The following USP9X variants were observed in gnomAD, a reference collection of about 807,000 sequenced individuals.
USP9X encodes ubiquitin specific peptidase 9 X-linked, also known as ubiquitin carboxyl-terminal hydrolase 9X.
USP9X carries 7 observed loss-of-function variants against 190.3 expected under a neutral mutation model. That is an observed-to-expected ratio of 0.04 (90% CI 0.02 to 0.07). The LOEUF (loss-of-function observed/expected upper bound fraction) is 0.07. Among genes scored for constraint, USP9X ranks in the 10% least tolerant of loss-of-function variants. The pLI is 1.00. For missense variants in USP9X, 1,010 were observed against 1,916.9 expected (o/e 0.53, Z 8.83); for synonymous variants, 645 against 659.5 (o/e 0.98, Z 0.34).
chrX:41,137,159 C>G (rs1159624778), intron 6 of USP9X, 137 bp downstream of exon 6: 1 of 577,039 alleles, frequency 1.7e-6, no homozygotes, highest in Non-Finnish European at 2.6e-6. Flanking sequence ...GAGCCTTTTT[C>G]GTAGCTTTGT....
Position 41,100,022 on chromosome X carries a change from A to G in USP9X, c.-159+13913A>G, listed in dbSNP as rs187265495. Among the ~76,000 whole-genome samples, 5 of 112,154 alleles carry G rather than the reference A, an allele frequency of 4.5e-5. No individual in the cohort carries two copies. The East Asian group carries it at 1.4e-3, about 31-fold the overall frequency. On this transcript the variant is annotated intron_variant, in intron 1 of 44. Coordinates refer to ENST00000378308, the MANE Select transcript of USP9X (RefSeq NM_001039591.3). ...CATCAATCAGCTTCAACTCATGGCT[A>G]GTCTTTTTTACCTACCCCCTTCCAT...
At chrX:41,211,573 G>T (rs1292269755) in intron 33 of USP9X, among the ~76,000 whole-genome samples, 1 of 113,464 alleles carries the variant, frequency 8.8e-6, no homozygotes, top group African/African-American at 3.2e-5. Context: ...ACCCCCGTCC[G>T]GGAGGTGAGG....
At chrX:41,134,933 CT>C (rs1445263631) in intron 5 of USP9X, 96 bp downstream of exon 5, 1 of 645,646 alleles carries the variant, frequency 1.5e-6, no homozygotes, top group Non-Finnish European at 2.3e-6. Context: ...TATATTTATT[CT>C]GTTATAATTG....
chrX:41,122,058 T>C (rs1427481671), intron 1 of USP9X, among the ~76,000 whole-genome samples: 2 of 110,806 alleles, frequency 1.8e-5, no homozygotes, highest in Non-Finnish European at 3.8e-5. Flanking sequence ...TATTATGTAG[T>C]TTGAACCCTC....
intron 1 of USP9X, among the ~76,000 whole-genome samples, chrX:41,103,230 T>G (rs911516208): frequency 6.2e-5 from 7 of 112,789 alleles, no homozygotes; most frequent in African/African-American, 1.9e-4. Context: ...ATTTAGGGAC[T>G]GGGATTTGTC....
At chrX:41,123,816 G>A in intron 2 of USP9X, 92 bp downstream of exon 2, 1 of 868,028 alleles carries the variant, frequency 1.2e-6, no homozygotes, top group Admixed American at 3.1e-5. Flanking sequence ...GTTGAGGCAG[G>A]CAGATCACTT....
intron 15 of USP9X, among the ~76,000 whole-genome samples, chrX:41,163,178 G>A (rs2062648320): frequency 9.0e-6 from 1 of 111,384 alleles, no homozygotes; most frequent in African/African-American, 3.3e-5. Flanking sequence ...ACAACCGGAA[G>A]GAGGACTATA....
intron 39 of USP9X, 47 bp from the exon 40 acceptor site, chrX:41,224,695 G>T: frequency 2.0e-6 from 2 of 1,023,477 alleles, no homozygotes; most frequent in Non-Finnish European, 2.7e-6. Context: ...TATTATTATT[G>T]TGAAGAAGCT....
intron 34 of USP9X, among the ~76,000 whole-genome samples, 171 bp downstream of exon 34, chrX:41,214,880 G>T (rs757331448): frequency 1.8e-5 from 2 of 111,580 alleles, no homozygotes; most frequent in Non-Finnish European, 3.8e-5. Flanking sequence ...TGGCAAGGAA[G>T]GAAAAAAAGT....
chrX:41,205,640 T>G (rs1330934991), intron 32 of USP9X, 147 bp downstream of exon 32: 2 of 496,690 alleles, frequency 4.0e-6, no homozygotes, highest in Admixed American at 1.1e-4. Flanking sequence ...TGGGTTTTTT[T>G]TTTTTTTTTT....
intron 33 of USP9X, among the ~76,000 whole-genome samples, chrX:41,213,825 G>A (rs1171306619): frequency 9.0e-6 from 1 of 111,482 alleles, no homozygotes; most frequent in African/African-American, 3.3e-5. Flanking sequence ...AAATGCCTTT[G>A]TGTACCTTTT....
chrX:41,208,901 A>G (rs1208928872), intron 32 of USP9X, among the ~76,000 whole-genome samples: 2 of 109,696 alleles, frequency 1.8e-5, no homozygotes, highest in Non-Finnish European at 3.8e-5. Flanking sequence ...GTAGAGACAG[A>G]GTTTCATTGT....
rs904924219 is a variant in USP9X at position 41,196,163 on chromosome X, C to G, written c.3978-88C>G. 4 of 1,050,776 alleles carry G rather than the reference C, an allele frequency of 3.8e-6. No individual in the cohort carries two copies. In the African/African-American group the frequency reaches 7.4e-5, roughly 20 times the overall value. 86.6% of individuals were successfully genotyped at this position (1,050,776 alleles called of 1,213,427 possible). A position where few individuals can be genotyped will look rare whatever the true frequency, so the allele number is the denominator to read the frequency against. ...AATTTATTTCCCTTTTATACTCCCCCCACCTCTCCTCCCCAAGAGGGAACA... is the reference window on the plus strand; with the variant it reads ...AATTTATTTCCCTTTTATACTCCCCGCACCTCTCCTCCCCAAGAGGGAACA... On this transcript the variant is annotated intron_variant, in intron 26 of 44. Transcript: ENST00000378308.
chrX:41,138,346 T>C (rs2062394269), intron 6 of USP9X, among the ~76,000 whole-genome samples: 4 of 111,946 alleles, frequency 3.6e-5, no homozygotes, highest in Non-Finnish European at 7.5e-5. Flanking sequence ...TTTTTTCTCC[T>C]GTTCTCCAAA....
rs891242696 is a variant in USP9X, at chrX:41,166,287, G to A, written c.2328+73G>A. 12 of 800,589 alleles carry A rather than the reference G, an allele frequency of 1.5e-5. No individual in the cohort carries two copies. In the African/African-American group the frequency reaches 1.9e-4, roughly 13 times the overall value. The allele number at this position is 800,589 out of a possible 1,213,427, so 66.0% of individuals were successfully genotyped here. A position where few individuals can be genotyped will look rare whatever the true frequency, so the allele number is the denominator to read the frequency against. On this transcript the variant is annotated intron_variant, in intron 16 of 44. Coordinates refer to ENST00000378308, the MANE Select transcript of USP9X (RefSeq NM_001039591.3). The stretch of plus-strand genomic sequence containing the variant: ...CATGTACGTAAGGAATTGTAATTTT[G>A]CATATAAATTGTGTATTTTACTCTG...
chrX:41,194,441 C>G (rs111351840), intron 26 of USP9X, among the ~76,000 whole-genome samples: 14,735 of 110,746 alleles, frequency 0.13, 899 homozygotes, highest in East Asian at 0.22. Context: ...ATAATCCCAA[C>G]TACTCGGGAG....
At chrX:41,224,199 C>T (rs2063291613) in intron 39 of USP9X, among the ~76,000 whole-genome samples, 1 of 108,523 alleles carries the variant, frequency 9.2e-6, no homozygotes, top group South Asian at 4.0e-4. Flanking sequence ...ACAGTGAGAC[C>T]CTGTGTCCAA....
In USP9X at chrX:41,229,704, C is replaced by T. The variant is rs764481978; in HGVS notation, c.7356C>T (p.Ser2452=). ...CCCCAGTGCAAAGCAATGAAACGTC[C>T]AATGGTTATTTCTTGGAGAGATCAC... ...WSPPVQSNET[S]NGYFLERSHS... is the part of the protein sequence containing the mutation. The change falls in exon 43 of 45, where the codon TCC becomes TCT. Residue 2452 remains serine (S), a synonymous_variant. Transcript: ENST00000378308. 1 of 1,211,572 alleles carries T rather than the reference C, an allele frequency of 8.3e-7. No individual in the cohort carries two copies. The highest frequency in any genetic ancestry group is 1.1e-6 in the Non-Finnish European group (1 of 895,546).
chrX:41,169,959 G>T, intron 18 of USP9X, 36 bp from the exon 19 acceptor site: 1 of 1,205,150 alleles, frequency 8.3e-7, no homozygotes, highest in South Asian at 1.8e-5. Flanking sequence ...AGAGTCTGCT[G>T]AATATGATGA....
Sources: gnomAD v4.1 joint callset for allele counts (sites outside exome capture counted in the v4.1 genomes callset) on GRCh38, gnomAD v4.1.1 for gene constraint, MANE v1.5 for transcripts, NCBI Gene and HGNC (gene_info 2026-07-23, HGNC 2026-07-21) for gene names.